The following CRISP2 variants were observed in gnomAD, a reference collection of about 807,000 sequenced individuals.
The protein encoded by CRISP2 is cysteine-rich secretory protein 2.
CRISP2 carries 29 observed loss-of-function variants against 31.7 expected under a neutral mutation model. The ratio of observed to expected loss-of-function variants is 0.92; its 90% CI spans 0.68 to 1.25. CRISP2 has a LOEUF of 1.25. Ranked by LOEUF, CRISP2 falls within the 50% of genes most tolerant of loss-of-function variation. The probability of loss-of-function intolerance (pLI) is 0.00; values close to 1 mark genes in which losing one functional copy is unlikely to be tolerated. For synonymous variants in CRISP2, 111 were observed against 101.4 expected (o/e 1.09, Z -0.57); for missense variants, 318 against 286.5 (o/e 1.11, Z -0.79).
chr6:49,702,147 A>AAG, intron 4 of CRISP2, among the ~76,000 whole-genome samples: 1 of 23,270 alleles, frequency 4.3e-5, no homozygotes, highest in African/African-American at 4.0e-4. Context: ...TACTATATAT[A>AAG]TATATATATA....
chr6:49,695,897 G>A lies in CRISP2; in HGVS notation c.543C>T (p.Thr181=), dbSNP rs563283496. 1.9e-6 allele frequency: 3 copies of A among 1,611,944 alleles called. No homozygotes were observed. Among genetic ancestry groups the A allele is most frequent in the Non-Finnish European group, 2.5e-6 (3 of 1,178,928 alleles). ...CACAAGGTGTTCCTTGTTGGTACGG[G>A]GTATTCTTTCTATTCATATTATTAC... is the stretch of plus-strand genomic sequence containing the variant. ...PAGNNMNRKN[T]PYQQGTPCAG... The change falls in exon 9 of 10, where the codon ACC becomes ACT. Residue 181 remains threonine, a synonymous_variant. Coordinates refer to ENST00000339139, the MANE Select transcript of CRISP2 (RefSeq NM_003296.4).
chr6:49,688,813 T>G (rs1342660103), downstream of CRISP2, among the ~76,000 whole-genome samples: 2 of 152,168 alleles, frequency 1.3e-5, no homozygotes, highest in Non-Finnish European at 2.9e-5. Context: ...TCTTTATAGT[T>G]TGCTCTGAGT....
chr6:49,696,010 G>T, intron 8 of CRISP2, 86 bp from the exon 9 acceptor site: 1 of 727,922 alleles, frequency 1.4e-6, no homozygotes, highest in Non-Finnish European at 2.2e-6. Flanking sequence ...TACATAAATA[G>T]TTATTCAGGG....
intron 7 of CRISP2, 42 bp from the exon 8 acceptor site, chr6:49,697,999 A>T: frequency 7.0e-7 from 1 of 1,420,812 alleles, no homozygotes; most frequent in East Asian, 2.3e-5. Flanking sequence ...AGTACATTAG[A>T]GAAGATGAAA....
rs1767971486 is a variant in CRISP2, at chr6:49,711,325, T to TAGAA, written c.-46-8_-46-5dup. On this transcript the variant is annotated splice_region_variant and splice_polypyrimidine_tract_variant and intron_variant, in intron 2 of 9. Coordinates refer to ENST00000339139, the MANE Select transcript of CRISP2 (RefSeq NM_003296.4). ...CAGGATGAAATATCTACTTTATCTTTAGAAAGAAAGAAGGTGGAAGGTTTA... is the reference window on the plus strand; with the variant it reads ...CAGGATGAAATATCTACTTTATCTTTAGAAAGAAAGAAAGAAGGTGGAAGGTTTA... 1 of 152,232 alleles carries TAGAA rather than the reference T, an allele frequency of 6.6e-6. No homozygotes were observed. Among genetic ancestry groups the TAGAA allele is most frequent in the South Asian group, 2.1e-4 (1 of 4,832 alleles). The allele number at this position is 152,232 out of a possible 1,614,324, so 9.4% of individuals were successfully genotyped here.
the CRISP2 span, among the ~76,000 whole-genome samples, chr6:49,686,321 T>A: frequency 1.3e-5 from 2 of 152,204 alleles, no homozygotes; most frequent in Non-Finnish European, 2.9e-5. Flanking sequence ...TAATAAATAA[T>A]CTTGCACATA....
intron 8 of CRISP2, 49 bp from the exon 9 acceptor site, chr6:49,695,973 T>C: frequency 8.2e-7 from 1 of 1,219,752 alleles, no homozygotes; most frequent in Non-Finnish European, 1.2e-6. Flanking sequence ...CTGTTTATAC[T>C]CTAAGGGCAG....
At chr6:49,693,384 A>C (rs1176743556) in intron 9 of CRISP2, among the ~76,000 whole-genome samples, 3 of 151,894 alleles carry the variant, frequency 2.0e-5, no homozygotes, top group African/African-American at 7.3e-5. Context: ...GTTGATAGAG[A>C]CTCTTTCCAT....
At chr6:49,687,076 G>C in the CRISP2 span, among the ~76,000 whole-genome samples, 2 of 151,990 alleles carry the variant, frequency 1.3e-5, no homozygotes, top group African/African-American at 4.8e-5. Context: ...AGGGGAGGGA[G>C]AGTGTTAGGA....
chr6:49,694,767 C>T (rs538492010), intron 9 of CRISP2, among the ~76,000 whole-genome samples: 95 of 148,920 alleles, frequency 6.4e-4, no homozygotes, highest in Middle Eastern at 3.5e-3. Context: ...GACAGTCTCG[C>T]TCTGTTGCCC....
Position 49,695,927 on chromosome 6 carries a change from G to A in CRISP2, c.516-3C>T. On this transcript the variant is annotated splice_region_variant and splice_polypyrimidine_tract_variant and intron_variant, in intron 8 of 9. Transcript: ENST00000339139. ...TCTTTCTATTCATATTATTACCACT[G>A]AAATTTGAAATACATGTCAAATATT... The A allele has an allele frequency of 6.3e-7, 1 of 1,587,928 alleles. No homozygotes were observed. The highest frequency in any genetic ancestry group is 8.6e-7 in the Non-Finnish European group (1 of 1,158,954).
chr6:49,711,669 C>T (rs1438772651), intron 2 of CRISP2, among the ~76,000 whole-genome samples: 1 of 152,130 alleles, frequency 6.6e-6, no homozygotes, highest in Non-Finnish European at 1.5e-5. Flanking sequence ...CAGGATTCTG[C>T]CTTATAGCTG....
At chr6:49,709,540 T>A (rs985776918) in intron 3 of CRISP2, among the ~76,000 whole-genome samples, 1 of 152,252 alleles carries the variant, frequency 6.6e-6, no homozygotes, top group East Asian at 1.9e-4. Flanking sequence ...TAGTTAATTA[T>A]AGTACTGACA....
At chr6:49,701,480 T>TA (rs1451315745) in intron 4 of CRISP2, among the ~76,000 whole-genome samples, 1 of 115,248 alleles carries the variant, frequency 8.7e-6, no homozygotes, top group Non-Finnish European at 1.7e-5. Context: ...GGCTGAGCAG[T>TA]ATTACGTGTG....
At chr6:49,702,071 A>T (rs1766081444) in intron 4 of CRISP2, among the ~76,000 whole-genome samples, 1 of 116,100 alleles carries the variant, frequency 8.6e-6, no homozygotes, top group Non-Finnish European at 1.7e-5. Context: ...ATACATTAAT[A>T]TAATGTAATA....
intron 6 of CRISP2, 69 bp from the exon 7 acceptor site, chr6:49,698,576 A>C: frequency 6.6e-7 from 1 of 1,506,450 alleles, no homozygotes; most frequent in Non-Finnish European, 8.9e-7. Flanking sequence ...CTACACAAAC[A>C]CAAAGATGTT....
chr6:49,712,296 T>A (rs570702092), intron 2 of CRISP2, among the ~76,000 whole-genome samples: 62 of 152,332 alleles, frequency 4.1e-4, no homozygotes, highest in African/African-American at 1.4e-3. Context: ...CATACTCTCC[T>A]CTTTGCTGCT....
At chr6:49,709,089 G>A (rs1767559223) in intron 4 of CRISP2, 42 bp downstream of exon 4, 1 of 1,569,974 alleles carries the variant, frequency 6.4e-7, no homozygotes, top group Non-Finnish European at 8.8e-7. Context: ...ATACCACAAA[G>A]TTGCTGGATA....
chr6:49,681,036 G>A, the CRISP2 span, among the ~76,000 whole-genome samples: 10 of 152,048 alleles, frequency 6.6e-5, no homozygotes, highest in African/African-American at 2.4e-4. Flanking sequence ...TGTTGCAATT[G>A]CTTTTGGCAT....
Sources: gnomAD v4.1 joint callset for allele counts (sites outside exome capture counted in the v4.1 genomes callset) on GRCh38, gnomAD v4.1.1 for gene constraint, MANE v1.5 for transcripts, NCBI Gene and HGNC (gene_info 2026-07-23, HGNC 2026-07-21) for gene names.